Variants in MUC5B observed in about 807,000 individuals in gnomAD.
MUC5B encodes the protein mucin-5B.
MUC5B carries 116 observed loss-of-function variants against 376.9 expected under a neutral mutation model. The ratio of observed to expected loss-of-function variants is 0.31; its 90% confidence interval spans 0.26 to 0.36. The LOEUF is 0.36. Among genes scored for constraint, MUC5B ranks in the 10% least tolerant of loss-of-function variants. The probability of loss-of-function intolerance (pLI) is 1.00; values close to 1 mark genes in which losing one functional copy is unlikely to be tolerated. For missense variants in MUC5B, 7,165 were observed against 7,769.9 expected, an observed-to-expected ratio of 0.92 and a Z score of 2.93; for synonymous variants, 3,517 against 3,390.9, an observed-to-expected ratio of 1.04 and a Z score of -1.29.
chr11:1,243,027 C>G lies in MUC5B; in HGVS notation c.6147C>G (p.Thr2049=), dbSNP rs762453539. Reference sequence around the variant, plus strand: ...CCACCCCAGGAACAGCTCACACTACCAAAGTGCCAACTACCACAACCACGG... The same window carrying G: ...CCACCCCAGGAACAGCTCACACTACGAAAGTGCCAACTACCACAACCACGG... ...PSSTPGTAHT[T]KVPTTTTTGF... The change falls in exon 31 of 49, where the codon ACC becomes ACG. Residue 2049 remains threonine (T), a synonymous_variant. Transcript: ENST00000529681. The G allele has an allele frequency of 6.2e-7, 1 of 1,611,570 alleles. No individual in the cohort carries two copies. Among genetic ancestry groups the G allele is most frequent in the Non-Finnish European group, 8.5e-7 (1 of 1,178,346 alleles).
chr11:1,252,734 C>T (rs1432080678), intron 32 of MUC5B, 75 bp from the exon 33 acceptor site: 10 of 1,507,198 alleles, frequency 6.6e-6, no homozygotes, highest in Non-Finnish European at 8.9e-6. Context: ...GGCTTTGGGC[C>T]ATGAGGGGTG....
rs1208135873 is a variant in MUC5B at position 1,254,186 on chromosome 11, G to A, written c.15312G>A (p.Glu5104=). Residue 5104 remains glutamate, a synonymous_variant, in exon 34 of 49, where the codon GAG becomes GAA. Transcript: ENST00000529681. ...ACTGCACCTATGTCCTCATGAGAGA[G>A]ATCCATGCACGCTTTGGGAATCTCA... ...RGNCTYVLMR[E]IHARFGNLSL... The A allele has an allele frequency of 1.2e-6, 2 of 1,612,826 alleles. No homozygotes were observed. The highest frequency in any genetic ancestry group is 2.7e-5 in the African/African-American group (2 of 74,938).
chr11:1,224,814 GA>G (rs1861845622), intron 1 of MUC5B, among the ~76,000 whole-genome samples: 1 of 152,154 alleles, frequency 6.6e-6, no homozygotes, highest in Non-Finnish European at 1.5e-5. Flanking sequence ...GCCAGAGTGC[GA>G]ACCACAGGGC....
chr11:1,240,707 C>T, intron 30 of MUC5B, 144 bp from the exon 31 acceptor site: 1 of 818,092 alleles, frequency 1.2e-6, no homozygotes, highest in Non-Finnish European at 1.9e-6. Context: ...CGGCTCTAAC[C>T]AAGGCTGAGG....
intron 12 of MUC5B, 101 bp downstream of exon 12, chr11:1,230,701 TC>T (rs1198990194): frequency 2.8e-6 from 3 of 1,080,354 alleles, no homozygotes; most frequent in Non-Finnish European, 3.9e-6. Flanking sequence ...CGAGGCCAGG[TC>T]CCCCCTCCAG....
rs1207324583 is a variant in MUC5B at position 1,242,841 on chromosome 11, C to T, written c.5961C>T (p.Ser1987=). 6.2e-7 allele frequency: 1 copy of T among 1,613,282 alleles called. No individual in the cohort carries two copies. Among genetic ancestry groups the T allele is most frequent in the East Asian group, 2.2e-5 (1 of 44,876 alleles). ...ATSVTPIPSS[S]LGTTWTRLSQ... ...GCGTTACACCCATCCCCTCTTCCTC[C>T]CTGGGCACCACCTGGACCCGCCTAT... Residue 1987 remains serine (S), a synonymous_variant, in exon 31 of 49, where the codon TCC becomes TCT. Coordinates refer to ENST00000529681, the MANE Select transcript of MUC5B (RefSeq NM_002458.3).
Position 1,238,953 on chromosome 11 carries a change from C to G in MUC5B, c.3380C>G (p.Thr1127Arg), listed in dbSNP as rs756586772. The change falls in exon 26 of 49, where the codon ACG becomes AGG. Residue 1127 changes from threonine (T) to arginine (R), a missense_variant. By Grantham distance (71) the Thr-to-Arg change is moderately conservative. This residue lies in a region of MUC5B where 143 missense variants were observed against 193.2 expected (regional missense o/e 0.74). Coordinates refer to ENST00000529681, the MANE Select transcript of MUC5B (RefSeq NM_002458.3). The part of the protein sequence containing the change: ...DSGGDCECFC[T>R]AVAAYAQACH... ...GGTGGCGACTGCGAGTGTTTCTGCACGGCTGTGGCTGCCTACGCCCAGGCC... is the reference window on the plus strand; with the variant it reads ...GGTGGCGACTGCGAGTGTTTCTGCAGGGCTGTGGCTGCCTACGCCCAGGCC... 1.9e-6 allele frequency: 3 copies of G among 1,576,218 alleles called. No individual in the cohort carries two copies. Among genetic ancestry groups the G allele is most frequent in the East Asian group, 4.7e-5 (2 of 42,700 alleles).
chr11:1,239,091 C>A, intron 26 of MUC5B, 64 bp downstream of exon 26: 1 of 1,534,630 alleles, frequency 6.5e-7, no homozygotes, highest in Non-Finnish European at 8.8e-7. Flanking sequence ...GGAGGTGTGG[C>A]AGCCTCCGAA....
intron 1 of MUC5B, 21 bp downstream of exon 1, chr11:1,223,214 C>CCCCT: frequency 1.4e-6 from 1 of 709,704 alleles, no homozygotes; most frequent in Middle Eastern, 2.3e-4. Flanking sequence ...CCCACTCCGC[C>CCCCT]CCCTCTCGAT....
At position 1,240,056 on chromosome 11, in the gene MUC5B, C is replaced by G; in HGVS notation, c.3740C>G (p.Pro1247Arg). 6.4e-7 allele frequency: 1 copy of G among 1,570,732 alleles called. No individual in the cohort carries two copies. Among genetic ancestry groups the G allele is most frequent in the Non-Finnish European group, 8.6e-7 (1 of 1,157,586 alleles). ...AENCQSCNCT[P>R]SGIQCAHSLE... ...TCCCCCACCCCTAGTAACTGCACAC[C>G]CAGTGGCATCCAGTGCGCTCACAGC... The change falls in exon 29 of 49, where the codon CCC becomes CGC. Residue 1247 changes from proline (P) to arginine (R), a missense_variant. This residue lies in a region of MUC5B where 517 missense variants were observed against 545.3 expected (regional missense o/e 0.95). Transcript: ENST00000529681.
Position 1,229,138 on chromosome 11 carries a change from C to T in MUC5B, c.977-32C>T, listed in dbSNP as rs775921430. ...ACCACACGGGCAGTACAGGGCCCTT[C>T]CCCTGGCCCAGCCCCACCTCCTTTT... On this transcript the variant is annotated intron_variant, in intron 8 of 48. Transcript: ENST00000529681. The T allele has an allele frequency of 8.4e-6, 13 of 1,548,704 alleles. 1 individual carries two copies. In the South Asian group the frequency reaches 1.6e-4, roughly 19 times the overall value.
chr11:1,240,174 C>A lies in MUC5B; in HGVS notation c.3773-4C>A, dbSNP rs1284464561. 1 of 1,591,246 alleles carries A rather than the reference C, an allele frequency of 6.3e-7. No homozygotes were observed. Among genetic ancestry groups the A allele is most frequent in the South Asian group, 1.1e-5 (1 of 89,258 alleles). On this transcript the variant is annotated splice_region_variant and splice_polypyrimidine_tract_variant and intron_variant, in intron 29 of 48. Transcript: ENST00000529681. ...CTGGGTGACTCTGCCGGCTCCATCC[C>A]CAGCCTGCACCTGCACCTATGAGGA...
chr11:1,224,066 T>C (rs946759053), intron 1 of MUC5B, among the ~76,000 whole-genome samples: 1 of 152,248 alleles, frequency 6.6e-6, no homozygotes, highest in African/African-American at 2.4e-5. Flanking sequence ...CGGGGGGAGC[T>C]GCGTCTGGCT....
At position 1,244,469 on chromosome 11, in the gene MUC5B, C is replaced by A; in HGVS notation, c.7589C>A (p.Thr2530Asn). 6.5e-7 allele frequency: 1 copy of A among 1,538,358 alleles called. No individual in the cohort carries two copies. The highest frequency in any genetic ancestry group is 8.9e-7 in the Non-Finnish European group (1 of 1,119,908). The change falls in exon 31 of 49, where the codon ACC becomes AAC. Residue 2530 changes from threonine (T) to asparagine (N), a missense_variant. This residue lies in a region of MUC5B where 194 missense variants were observed against 268.5 expected (regional missense o/e 0.72). Coordinates refer to ENST00000529681, the MANE Select transcript of MUC5B (RefSeq NM_002458.3). ...TALPALRSTA[T>N]TPTATSFTAI... ...CTTCCAGCACTGAGAAGCACAGCCA[C>A]CACACCCACAGCTACCAGCTTTACA...
chr11:1,242,327 C>A lies in MUC5B; in HGVS notation c.5447C>A (p.Ala1816Asp). The A allele has an allele frequency of 6.2e-7, 1 of 1,613,902 alleles. No homozygotes were observed. Among genetic ancestry groups the A allele is most frequent in the Non-Finnish European group, 8.5e-7 (1 of 1,179,864 alleles). ...GDMETFENIR[A>D]AGGKMCWAPK... is the part of the protein sequence containing the mutation. ...ATGGAAACTTTTGAAAACATCAGGG[C>A]TGCTGGGGGCAAGATGTGCTGGGCA... Residue 1816 changes from alanine to aspartate, a missense_variant, in exon 31 of 49, where the codon GCT (alanine) becomes GAT (aspartate). By Grantham distance (126) the Ala-to-Asp change is moderately radical. Coordinates refer to ENST00000529681, the MANE Select transcript of MUC5B (RefSeq NM_002458.3).
At position 1,247,260 on chromosome 11, in the gene MUC5B, C is replaced by A; in HGVS notation, c.10380C>A (p.Pro3460=). The change falls in exon 31 of 49, where the codon CCC becomes CCA. Residue 3460 remains proline, a synonymous_variant. Transcript: ENST00000529681. The part of the protein sequence containing the change: ...TTATTHGRSL[P]PSSPHTVRTA... The stretch of plus-strand genomic sequence containing the variant: ...CCACCACACACGGGCGGTCCCTGCC[C>A]CCCAGCAGTCCCCACACGGTGCGCA... 9.9e-6 allele frequency: 16 copies of A among 1,612,204 alleles called. No individual in the cohort carries two copies. The highest frequency in any genetic ancestry group is 1.4e-5 in the Non-Finnish European group (16 of 1,179,590).
rs372435860 is a variant in MUC5B at position 1,242,118 on chromosome 11, G to A, written c.5238G>A (p.Ala1746=). The change falls in exon 31 of 49, where the codon GCG becomes GCA. Residue 1746 remains alanine (A), a synonymous_variant. Transcript: ENST00000529681. ...ASKEPLTTSL[A]PTLTSELSTS... ...AAGAGCCGCTGACCACGAGCCTGGC[G>A]CCAACACTCACGAGCGAGCTGTCCA... is the stretch of plus-strand genomic sequence containing the variant. The A allele has an allele frequency of 3.5e-5, 57 of 1,613,216 alleles. No individual in the cohort carries two copies. The highest frequency in any genetic ancestry group is 1.6e-4 in the Middle Eastern group (1 of 6,082).
In MUC5B at chr11:1,232,833, C is replaced by T. The variant is rs545244468; in HGVS notation, c.2065+63C>T. ...GCGTGGGGGTGCGGGGGACCCTGGC[C>T]GGCAGCAGCCGTCACTCACACGGTT... On this transcript the variant is annotated intron_variant, in intron 17 of 48. Coordinates refer to ENST00000529681, the MANE Select transcript of MUC5B (RefSeq NM_002458.3). The T allele has an allele frequency of 1.9e-4, 284 of 1,505,888 alleles. 2 individuals are homozygous for T. In the African/African-American group the frequency reaches 3.3e-3, roughly 17 times the overall value. The allele number at this position is 1,505,888 out of a possible 1,614,324, so 93.3% of individuals were successfully genotyped here.
At position 1,226,700 on chromosome 11, in the gene MUC5B, C is replaced by T; in HGVS notation, c.285C>T (p.Phe95=). ...CCTTCGACGGCGACGTCTTCCGCTTCCCTGGCCTTTGCAACTACGTGTTCT... is the reference window on the plus strand; with the variant it reads ...CCTTCGACGGCGACGTCTTCCGCTTTCCTGGCCTTTGCAACTACGTGTTCT... The part of the protein sequence containing the change: ...YKTFDGDVFR[F]PGLCNYVFSE... Residue 95 remains phenylalanine (F), a synonymous_variant, in exon 4 of 49, where the codon TTC becomes TTT. Coordinates refer to ENST00000529681, the MANE Select transcript of MUC5B (RefSeq NM_002458.3). 1 of 1,612,802 alleles carries T rather than the reference C, an allele frequency of 6.2e-7. No homozygotes were observed.
Sources: allele counts gnomAD v4.1 joint callset (sites outside exome capture counted in the v4.1 genomes callset), GRCh38; gene constraint gnomAD v4.1.1; regional missense constraint gnomAD v4.1.1; transcripts MANE v1.5; gene names NCBI Gene and HGNC (gene_info 2026-07-23, HGNC 2026-07-21).